LMNTD1: variants seen among roughly 807,000 people sequenced by gnomAD.
LMNTD1 encodes the protein lamin tail domain-containing protein 1.
LMNTD1 carries 35 observed loss-of-function variants against 50.9 expected under a neutral mutation model. That is an observed-to-expected ratio of 0.69 (90% CI 0.53 to 0.91). LMNTD1 has a LOEUF of 0.91. Among genes scored for constraint, LMNTD1 ranks in the 40% least tolerant of loss-of-function variants. LMNTD1 has a pLI of 0.00. For missense variants in LMNTD1, 470 were observed against 475.5 expected (o/e 0.99, Z 0.11); for synonymous variants, 153 against 161.9 (o/e 0.94, Z 0.42).
intron 4 of LMNTD1, among the ~76,000 whole-genome samples, chr12:25,533,143 C>T (rs192841653): frequency 6.6e-6 from 1 of 152,230 alleles, no homozygotes; most frequent in East Asian, 1.9e-4. Flanking sequence ...TATCAGAGCA[C>T]TTTATTTGCC....
At chr12:25,508,100 C>A (rs11048082) in intron 8 of LMNTD1, among the ~76,000 whole-genome samples, 29,018 of 121,934 alleles carry the variant, frequency 0.24, 3,491 homozygotes, top group Non-Finnish European at 0.34. Context: ...CTTCCCTTAC[C>A]AGTTTTTATT....
intron 1 of LMNTD1, among the ~76,000 whole-genome samples, chr12:25,602,427 A>G (rs1565513447): frequency 6.6e-6 from 1 of 152,004 alleles, no homozygotes; most frequent in African/African-American, 2.4e-5. Context: ...AAAGTAGCAG[A>G]AAGCCCAAAA....
intron 1 of LMNTD1, among the ~76,000 whole-genome samples, chr12:25,604,794 G>A (rs184273681): frequency 3.3e-5 from 5 of 152,218 alleles, no homozygotes; most frequent in East Asian, 1.9e-4. Context: ...TGTGAACAGC[G>A]CTGCAATAAA....
At chr12:25,632,103 G>GA (rs981100603) in intron 1 of LMNTD1, among the ~76,000 whole-genome samples, 3 of 152,048 alleles carry the variant, frequency 2.0e-5, no homozygotes, top group African/African-American at 7.2e-5. Context: ...CAAAGACAAA[G>GA]AAAAAAGAAT....
intron 1 of LMNTD1, among the ~76,000 whole-genome samples, chr12:25,588,006 G>A (rs1369587041): frequency 6.6e-6 from 1 of 152,140 alleles, no homozygotes; most frequent in Non-Finnish European, 1.5e-5. Context: ...AACTTGTCAA[G>A]CTGTTTCATA....
chr12:25,577,868 C>T (rs1238063895), intron 1 of LMNTD1, among the ~76,000 whole-genome samples: 1 of 152,110 alleles, frequency 6.6e-6, no homozygotes, highest in African/African-American at 2.4e-5. Context: ...GCATCAGGGT[C>T]TGTGCTGATC....
chr12:25,566,730 T>C (rs144088990), intron 1 of LMNTD1, among the ~76,000 whole-genome samples: 31 of 152,336 alleles, frequency 2.0e-4, no homozygotes, highest in African/African-American at 7.5e-4. Flanking sequence ...TTAGGATTTG[T>C]TGTTAGGGTT....
upstream of LMNTD1, among the ~76,000 whole-genome samples, chr12:25,555,051 C>A (rs569217519): frequency 9.1e-4 from 136 of 148,700 alleles, no homozygotes; most frequent in Non-Finnish European, 1.5e-3. Context: ...GGTGACAGAA[C>A]CAGTCTCCGT....
At position 25,638,849 on chromosome 12, in the gene LMNTD1, G is replaced by A. The variant is rs796455802; in HGVS notation, c.58+9645C>T. ...TTAAAATTCATGTAGAAAAGCAAGA[G>A]AGCCAAAATAACCAAAACAATCTGG... On this transcript the variant is annotated intron_variant, in intron 1 of 7. Coordinates refer to the LMNTD1 transcript ENST00000445693. Among the ~76,000 whole-genome samples the A allele has an allele frequency of 9.9e-5, 15 of 152,180 alleles. 1 individual carries two copies. Among genetic ancestry groups the A allele is most frequent in the Middle Eastern group, 6.8e-3 (2 of 294 alleles).
intron 1 of LMNTD1, among the ~76,000 whole-genome samples, chr12:25,639,900 A>G (rs938351574): frequency 5.9e-5 from 9 of 152,264 alleles, no homozygotes; most frequent in Non-Finnish European, 1.0e-4. Context: ...AAACAACCCA[A>G]TGTCCATAAA....
intron 1 of LMNTD1, among the ~76,000 whole-genome samples, chr12:25,596,828 A>C (rs541013825): frequency 6.6e-6 from 1 of 152,242 alleles, no homozygotes; most frequent in African/African-American, 2.4e-5. Flanking sequence ...TAAAGGACGA[A>C]CCAATTCAAA....
upstream of LMNTD1, among the ~76,000 whole-genome samples, chr12:25,555,346 A>T (rs1245318949): frequency 6.6e-6 from 1 of 152,206 alleles, no homozygotes; most frequent in Non-Finnish European, 1.5e-5. Flanking sequence ...TAATACCATC[A>T]GCAGCAACAA....
intron 5 of LMNTD1, 31 bp from the exon 6 acceptor site, chr12:25,526,249 C>T (rs1941700307): frequency 6.3e-7 from 1 of 1,599,410 alleles, no homozygotes; most frequent in Non-Finnish European, 8.5e-7. Flanking sequence ...ACAAATGCCA[C>T]TGGAGTTGAA....
intron 1 of LMNTD1, among the ~76,000 whole-genome samples, chr12:25,563,587 G>A (rs915872986): frequency 5.3e-5 from 8 of 152,188 alleles, no homozygotes; most frequent in African/African-American, 1.4e-4. Context: ...CGCTACTCAG[G>A]GGTCAGGGAC....
intron 4 of LMNTD1, among the ~76,000 whole-genome samples, chr12:25,530,408 C>A (rs1263984303): frequency 6.6e-6 from 1 of 152,040 alleles, no homozygotes; most frequent in Non-Finnish European, 1.5e-5. Flanking sequence ...GTCATATTTT[C>A]TTTTAAACGT....
At chr12:25,587,605 C>G (rs1056506578) in intron 1 of LMNTD1, among the ~76,000 whole-genome samples, 5 of 152,242 alleles carry the variant, frequency 3.3e-5, no homozygotes, top group Non-Finnish European at 7.3e-5. Context: ...CATGAGAAAT[C>G]TGCCCCCCAT....
intron 1 of LMNTD1, among the ~76,000 whole-genome samples, chr12:25,579,856 A>T (rs749554028): frequency 5.9e-5 from 9 of 152,108 alleles, no homozygotes; most frequent in Admixed American, 5.9e-4. Flanking sequence ...TCTCTCCAGA[A>T]CTACCCAGCG....
chr12:25,559,498 A>G (rs139003233), intron 1 of LMNTD1, among the ~76,000 whole-genome samples: 1,882 of 152,350 alleles, frequency 0.012, 34 homozygotes, highest in African/African-American at 0.042. Context: ...TAATGCCGCA[A>G]TAAACATGTG....
At chr12:25,549,635 G>A (rs1943643106) in intron 2 of LMNTD1, 89 bp from the exon 3 acceptor site, 1 of 653,856 alleles carries the variant, frequency 1.5e-6, no homozygotes, top group African/African-American at 1.9e-5. Context: ...TTATTACCCA[G>A]AATTCTGCTT....
Sources: allele counts gnomAD v4.1 joint callset (sites outside exome capture counted in the v4.1 genomes callset), GRCh38; gene constraint gnomAD v4.1.1; transcripts MANE v1.5; gene names NCBI Gene and HGNC (gene_info 2026-07-23, HGNC 2026-07-21).